Variants in DOK7 observed in about 807,000 individuals in gnomAD.
The protein encoded by DOK7 is docking protein 7, also known as protein Dok-7.
A neutral mutation model predicts 30.7 loss-of-function variants in DOK7; 32 were observed. That is an observed-to-expected ratio of 1.04 (90% CI 0.79 to 1.40). DOK7 has a LOEUF of 1.40. Among genes scored for constraint, DOK7 ranks in the 40% most tolerant of loss-of-function variants. The probability of loss-of-function intolerance (pLI) is 0.00; values close to 1 mark genes in which losing one functional copy is unlikely to be tolerated. For synonymous variants in DOK7, 447 were observed against 324.1 expected (o/e 1.38, Z -4.07); for missense variants, 1,007 against 699.2 (o/e 1.44, Z -4.97).
At chr4:3,494,500 G>A (rs371048872), downstream of DOK7, 318 of 985,522 alleles carry the variant, frequency 3.2e-4, no homozygotes, top group African/African-American at 4.8e-3. Flanking sequence ...GTCCTAGTCC[G>A]TTGCCCAGCC....
exon 8 of DOK7, chr4:3,500,713 C>A: frequency 6.5e-7 from 1 of 1,535,508 alleles, no homozygotes; most frequent in South Asian, 1.2e-5. Flanking sequence ...TCCCTCTACG[C>A]CCAGATCGAC....
At position 3,489,795 on chromosome 4, in the gene DOK7, A is replaced by AGGCCG. The variant is rs1728079425; in HGVS notation, c.772+1_772+2insCCGGG. The AGGCCG allele has an allele frequency of 2.5e-6, 4 of 1,572,752 alleles. No homozygotes were observed. Among genetic ancestry groups the AGGCCG allele is most frequent in the Non-Finnish European group, 3.5e-6 (4 of 1,158,816 alleles). ...CACATGCGGGCAGGCCGGGCAGTGGAGGTAGGGCCGGGGGCTGACCTGGGC... is the reference window on the plus strand; with the variant it reads ...CACATGCGGGCAGGCCGGGCAGTGGAGGCCGGGTAGGGCCGGGGGCTGACCTGGGC... On this transcript the variant is annotated frameshift_variant and splice_region_variant, in exon 6 of 7. Transcript: ENST00000340083. LOFTEE classifies it low-confidence loss of function (END_TRUNC).
Position 3,493,194 on chromosome 4 carries a change from C to T in DOK7, c.1208C>T (p.Ala403Val), listed in dbSNP as rs972398982. The change falls in exon 7 of 7, where the codon GCC becomes GTC. Residue 403 changes from alanine to valine, a missense_variant. Ala to Val is a moderately conservative substitution (Grantham distance 64). Transcript: ENST00000340083. ...TACCAGGTGCCCACCTCCCTGCGGG[C>T]CCACTATGACACACCACGCAGCCTT... The part of the protein sequence containing the change: ...VEYQVPTSLR[A>V]HYDTPRSLCL... The T allele has an allele frequency of 2.0e-5, 33 of 1,611,102 alleles. No individual in the cohort carries two copies. The highest frequency in any genetic ancestry group is 2.7e-5 in the Non-Finnish European group (32 of 1,179,416).
At chr4:3,498,925 A>G (rs1009974827), downstream of DOK7, among the ~76,000 whole-genome samples, 1 of 152,214 alleles carries the variant, frequency 6.6e-6, no homozygotes, top group African/African-American at 2.4e-5. Flanking sequence ...CCTGGGCTCC[A>G]TCTCGCTCTG....
chr4:3,492,876 A>AG lies in DOK7; in HGVS notation c.894dup (p.Pro299AlafsTer2). On this transcript the variant is annotated frameshift_variant, in exon 7 of 7. Coordinates refer to ENST00000340083, the MANE Select transcript of DOK7 (RefSeq NM_173660.5). LOFTEE classifies it low-confidence loss of function (END_TRUNC). ...TCGTCGTCAGCCAGCACGTCACAGGAGGGGCCTAGACCAGCAGCTGCCCAG... is the reference window on the plus strand; with the variant it reads ...TCGTCGTCAGCCAGCACGTCACAGGAGGGGGCCTAGACCAGCAGCTGCCCAG... 6.2e-7 allele frequency: 1 copy of AG among 1,603,596 alleles called. No homozygotes were observed. The highest frequency in any genetic ancestry group is 1.3e-5 in the African/African-American group (1 of 74,856).
intron 3 of DOK7, among the ~76,000 whole-genome samples, chr4:3,474,344 A>G (rs1272867019): frequency 6.6e-6 from 1 of 152,194 alleles, no homozygotes; most frequent in Non-Finnish European, 1.5e-5. Flanking sequence ...CCTGGCACCC[A>G]CCCAATAATC....
At position 3,476,318 on chromosome 4, in the gene DOK7, C is replaced by A. The variant is rs112637134; in HGVS notation, c.332-24C>A. ...CCTCTCACCCTGCCCGCCCGTGATGCCCTCTTGCCCCGCCTGCCCGCAGTG... is the reference window on the plus strand; with the variant it reads ...CCTCTCACCCTGCCCGCCCGTGATGACCTCTTGCCCCGCCTGCCCGCAGTG... On this transcript the variant is annotated intron_variant, in intron 3 of 6. Transcript: ENST00000340083. The A allele has an allele frequency of 6.6e-3, 7,047 of 1,071,162 alleles. 1,147 individuals carry two copies. The highest frequency in any genetic ancestry group is 0.037 in the African/African-American group (1,473 of 40,100). The allele number at this position is 1,071,162 out of a possible 1,614,324, so 66.4% of individuals were successfully genotyped here. A position where few individuals can be genotyped will look rare whatever the true frequency, so the allele number is the denominator to read the frequency against.
At chr4:3,474,204 G>A (rs1460097634) in intron 3 of DOK7, among the ~76,000 whole-genome samples, 2 of 152,280 alleles carry the variant, frequency 1.3e-5, no homozygotes, top group East Asian at 3.9e-4. Context: ...GAGGTGGGTG[G>A]TGATGGGGCC....
chr4:3,497,077 T>A (rs1251957408), downstream of DOK7, among the ~76,000 whole-genome samples: 1 of 124,204 alleles, frequency 8.1e-6, no homozygotes, highest in Non-Finnish European at 1.7e-5. Flanking sequence ...CAGTGGTTGC[T>A]GGGTGGCAGT....
At chr4:3,495,799 G>A (rs997977037), downstream of DOK7, among the ~76,000 whole-genome samples, 13 of 149,422 alleles carry the variant, frequency 8.7e-5, no homozygotes, top group African/African-American at 2.7e-4. Flanking sequence ...TGCCCCCACC[G>A]GGAGCAGCTG....
chr4:3,464,634 T>C (rs893373921), intron 2 of DOK7, among the ~76,000 whole-genome samples: 22 of 152,094 alleles, frequency 1.4e-4, no homozygotes, highest in Non-Finnish European at 2.4e-4. Context: ...GGGGCCGTGG[T>C]GGGGCAGGTG....
At chr4:3,485,705 TG>T in intron 5 of DOK7, 47 bp downstream of exon 5, 1 of 1,482,484 alleles carries the variant, frequency 6.7e-7, no homozygotes, top group Non-Finnish European at 9.0e-7. Context: ...CTCGGCAGGC[TG>T]TGCGACGTCC....
intron 6 of DOK7, 103 bp downstream of exon 6, chr4:3,489,899 C>G: frequency 6.8e-7 from 1 of 1,472,894 alleles, no homozygotes; most frequent in Admixed American, 2.1e-5. Context: ...GCTCCCTCTG[C>G]TCATTCATTC....
At position 3,493,208 on chromosome 4, in the gene DOK7, C is replaced by T; in HGVS notation, c.1222C>T (p.Pro408Ser). ...PTSLRAHYDT[P>S]RSLCLAPRDH... ...CTCCCTGCGGGCCCACTATGACACA[C>T]CACGCAGCCTTTGCCTGGCTCCTAG... Residue 408 changes from proline (P) to serine (S), a missense_variant, in exon 7 of 7, where the codon CCA becomes TCA. Pro to Ser is a moderately conservative substitution (Grantham distance 74). Transcript: ENST00000340083. 3 of 1,611,812 alleles carry T rather than the reference C, an allele frequency of 1.9e-6. No individual in the cohort carries two copies. Among genetic ancestry groups the T allele is most frequent in the East Asian group, 2.2e-5 (1 of 44,844 alleles).
chr4:3,483,706 A>G (rs1179353372), intron 4 of DOK7, among the ~76,000 whole-genome samples: 2 of 152,198 alleles, frequency 1.3e-5, no homozygotes, highest in African/African-American at 4.8e-5. Context: ...AGCTGTCTGT[A>G]AGCTCAGGAT....
chr4:3,483,646 G>A (rs1277247825), intron 4 of DOK7, among the ~76,000 whole-genome samples: 2 of 152,206 alleles, frequency 1.3e-5, no homozygotes, highest in Non-Finnish European at 2.9e-5. Flanking sequence ...CACTCCTTCC[G>A]TAATGTGGTT....
downstream of DOK7, among the ~76,000 whole-genome samples, chr4:3,495,224 T>C (rs780567808): frequency 6.6e-6 from 1 of 152,216 alleles, no homozygotes; most frequent in Non-Finnish European, 1.5e-5. Context: ...CCGTCACCAT[T>C]ACCCCTGCTG....
At chr4:3,490,475 T>TTCATTTCTCTC (rs1728247647) in intron 6 of DOK7, among the ~76,000 whole-genome samples, 1 of 100,386 alleles carries the variant, frequency 1.0e-5, no homozygotes, top group Non-Finnish European at 2.0e-5. Context: ...TTCTTCTCCC[T>TTCATTTCTCTC]CTGCTCATTC....
At chr4:3,485,337 G>A (rs1305475151) in intron 4 of DOK7, 1 of 629,770 alleles carries the variant, frequency 1.6e-6, no homozygotes, top group African/African-American at 1.9e-5. Context: ...GCTTCACAGA[G>A]CCAGGTGGGG....
Sources: allele counts gnomAD v4.1 joint callset (sites outside exome capture counted in the v4.1 genomes callset), GRCh38; gene constraint gnomAD v4.1.1; transcripts MANE v1.5; gene names NCBI Gene and HGNC (gene_info 2026-07-23, HGNC 2026-07-21).